The following ABCG1 variants were observed in gnomAD, a reference collection of about 807,000 sequenced individuals.
ABCG1 encodes ATP-binding cassette sub-family G member 1.
A neutral mutation model predicts 69.2 loss-of-function variants in ABCG1; 29 were observed. That is an observed-to-expected ratio of 0.42 (90% confidence interval 0.31 to 0.57). The LOEUF (loss-of-function observed/expected upper bound fraction) is 0.57, where lower values mean the gene tolerates loss of function less well. ABCG1 is among the 20% of genes least tolerant of loss of function. The pLI is 0.15. For missense variants in ABCG1, 718 were observed against 898.1 expected, an observed-to-expected ratio of 0.80 and a Z score of 2.56; for synonymous variants, 370 against 374.8, an observed-to-expected ratio of 0.99 and a Z score of 0.15.
rs562939935 is a variant in ABCG1, at chr21:42,202,507, G to A, written c.48+784G>A. On this transcript the variant is annotated intron_variant, in intron 2 of 15. Transcript: ENST00000398457. ...GAGGGGTGTGATCTCAGGGTGCAACGCTGTTGAATGCACGCCTCCCTCCCC... is the reference window on the plus strand; with the variant it reads ...GAGGGGTGTGATCTCAGGGTGCAACACTGTTGAATGCACGCCTCCCTCCCC... Among the ~76,000 whole-genome samples the A allele has an allele frequency of 3.9e-5, 6 of 152,088 alleles. No individual in the cohort carries two copies. The East Asian group carries it at 9.7e-4, about 25-fold the overall frequency.
intron 1 of ABCG1, 31 bp from the exon 2 acceptor site, chr21:42,225,640 C>G: frequency 6.2e-7 from 1 of 1,608,660 alleles, no homozygotes; most frequent in Non-Finnish European, 8.5e-7. Context: ...CAGCTTATAA[C>G]AGGTCTTGTT....
At chr21:42,283,460 G>T (rs1326073907) in intron 6 of ABCG1, among the ~76,000 whole-genome samples, 2 of 152,170 alleles carry the variant, frequency 1.3e-5, no homozygotes, top group Non-Finnish European at 2.9e-5. Flanking sequence ...GGAGAAGAGA[G>T]GTCCCCCCAG....
chr21:42,273,916 C>T lies in ABCG1; in HGVS notation c.537+481C>T, dbSNP rs762873650. Among the ~76,000 whole-genome samples the T allele has an allele frequency of 2.9e-4, 44 of 152,090 alleles. No homozygotes were observed. Among genetic ancestry groups the T allele is most frequent in the Non-Finnish European group, 5.0e-4 (34 of 68,014 alleles). On this transcript the variant is annotated intron_variant, in intron 4 of 14. Coordinates refer to ENST00000398449, the MANE Select transcript of ABCG1 (RefSeq NM_016818.3). The surrounding 1 kb of genome is among the most constrained non-coding windows in gnomAD (Gnocchi z 5.3). ...GTGGGAAAATGAAACCAGCAGTGGC[C>T]GAGCATCTCCTGGGTCCCAGGCCCT... is the stretch of plus-strand genomic sequence containing the variant.
chr21:42,213,696 T>C (rs1249059302), upstream of ABCG1, among the ~76,000 whole-genome samples: 1 of 152,184 alleles, frequency 6.6e-6, no homozygotes, highest in Non-Finnish European at 1.5e-5. Context: ...CTCCTTAGAG[T>C]GTTCAGAAGG....
chr21:42,276,688 G>T lies in ABCG1; in HGVS notation c.538-207G>T. The T allele has an allele frequency of 1.7e-6, 1 of 579,898 alleles. No individual in the cohort carries two copies. The highest frequency in any genetic ancestry group is 3.0e-6 in the Non-Finnish European group (1 of 328,522). 35.9% of individuals were successfully genotyped at this position (579,898 alleles called of 1,614,324 possible). ...ATGCCTAGCTGCACTGTGGATAGCT[G>T]CACCGTGACTAGTGGCACCGTGGCT... On this transcript the variant is annotated intron_variant, in intron 4 of 14. Coordinates refer to ENST00000398449, the MANE Select transcript of ABCG1 (RefSeq NM_016818.3). This position sits in a 1 kb window ranked among gnomAD's most constrained non-coding sequence, Gnocchi z 5.3.
Position 42,264,205 on chromosome 21 carries a change from G to A in ABCG1, c.287-6865G>A, listed in dbSNP as rs529032394. Among the ~76,000 whole-genome samples the A allele has an allele frequency of 2.6e-5, 4 of 152,302 alleles. No individual in the cohort carries two copies. In the South Asian group the frequency reaches 8.3e-4, roughly 32 times the overall value. ...TCCAGCGTTATCTCCTTATACTCAT[G>A]ATCACCGGAATTCGGGATGTCTGCA... On this transcript the variant is annotated intron_variant, in intron 2 of 14. Coordinates refer to ENST00000398449, the MANE Select transcript of ABCG1 (RefSeq NM_016818.3).
At chr21:42,295,764 G>A (rs757605549) in intron 14 of ABCG1, among the ~76,000 whole-genome samples, 3 of 152,178 alleles carry the variant, frequency 2.0e-5, no homozygotes, top group African/African-American at 4.8e-5. Context: ...CTGGAGCAGA[G>A]GGAGAGAGGG....
At chr21:42,229,567 A>C (rs1269639625) in intron 2 of ABCG1, among the ~76,000 whole-genome samples, 6 of 152,154 alleles carry the variant, frequency 3.9e-5, no homozygotes, top group Admixed American at 3.3e-4. Context: ...GAAATACAAA[A>C]AAAATAGCCA....
chr21:42,271,128 C>G lies in ABCG1; in HGVS notation c.345C>G (p.Ala115=). The G allele has an allele frequency of 1.3e-6, 2 of 1,583,766 alleles. No homozygotes were observed. Among genetic ancestry groups the G allele is most frequent in the South Asian group, 2.3e-5 (2 of 86,406 alleles). Residue 115 remains alanine, a synonymous_variant, in exon 3 of 15, where the codon GCC becomes GCG. Transcript: ENST00000398449. ...AGTTCAATAGTGGTGAGTTGGTGGC[C>G]ATTATGGGTCCTTCCGGGGCCGGGA... ...SGKFNSGELV[A]IMGPSGAGKS... is the part of the protein sequence containing the mutation.
At chr21:42,214,433 G>T (rs756282386), upstream of ABCG1, among the ~76,000 whole-genome samples, 3 of 152,258 alleles carry the variant, frequency 2.0e-5, no homozygotes, top group Admixed American at 6.5e-5. Context: ...ACAGCAGCCA[G>T]AATAGACTAA....
Position 42,225,676 on chromosome 21 carries a change from C to T in ABCG1, c.48C>T (p.Ala16=), listed in dbSNP as rs1328604729. The part of the protein sequence containing the change: ...AAFSVGTAMN[A]SSYSAEMTEP... ...GCTTCCTCTGGTTTTTCTAGAATGCCAGCAGTTACTCTGCAGAGATGACGG... is the reference window on the plus strand; with the variant it reads ...GCTTCCTCTGGTTTTTCTAGAATGCTAGCAGTTACTCTGCAGAGATGACGG... The change falls in exon 2 of 15, where the codon GCC becomes GCT. Residue 16 remains alanine, a synonymous_variant. Coordinates refer to ENST00000398449, the MANE Select transcript of ABCG1 (RefSeq NM_016818.3). 14 of 1,612,092 alleles carry T rather than the reference C, an allele frequency of 8.7e-6. No homozygotes were observed. The highest frequency in any genetic ancestry group is 1.7e-5 in the Admixed American group (1 of 59,766).
chr21:42,280,995 G>C (rs2068798183), intron 5 of ABCG1, among the ~76,000 whole-genome samples: 1 of 152,258 alleles, frequency 6.6e-6, no homozygotes, highest in Non-Finnish European at 1.5e-5. Flanking sequence ...CCAGGGCTGG[G>C]GTGAGGGCAT....
chr21:42,265,548 C>T (rs2068488165), intron 2 of ABCG1, among the ~76,000 whole-genome samples: 2 of 152,168 alleles, frequency 1.3e-5, no homozygotes, highest in Admixed American at 1.3e-4. Context: ...ACACCTGGAG[C>T]ACCAGCGGCT....
At chr21:42,284,745 A>G in intron 7 of ABCG1, 62 bp downstream of exon 7, 1 of 1,568,696 alleles carries the variant, frequency 6.4e-7, no homozygotes, top group Non-Finnish European at 8.6e-7. Flanking sequence ...CCTGAATGAC[A>G]CCAAACCCTG....
At chr21:42,247,597 T>C (rs1266812647) in intron 2 of ABCG1, among the ~76,000 whole-genome samples, 1 of 152,200 alleles carries the variant, frequency 6.6e-6, no homozygotes. Context: ...GGGTTGATGG[T>C]GACCCTCCAA....
chr21:42,211,677 C>G (rs754592825), upstream of ABCG1, among the ~76,000 whole-genome samples: 1 of 151,222 alleles, frequency 6.6e-6, no homozygotes, highest in Non-Finnish European at 1.5e-5. Context: ...GTCAGGAATT[C>G]AAGACCAGCC....
rs1426039157 is a variant in ABCG1, at chr21:42,268,889, T to TCCTC, written c.287-2179_287-2176dup. Reference sequence around the variant, plus strand: ...GGGGTCATTGCAGCCTGTATGTGCTTCCTCCAGCCAGGGTGATCATCGGGT... The same window carrying TCCTC: ...GGGGTCATTGCAGCCTGTATGTGCTTCCTCCCTCCAGCCAGGGTGATCATCGGGT... On this transcript the variant is annotated intron_variant, in intron 2 of 14. Transcript: ENST00000398449. 2.0e-5 allele frequency among the ~76,000 whole-genome samples: 3 copies of TCCTC among 152,170 alleles called. No individual in the cohort carries two copies. In the East Asian group the frequency reaches 5.8e-4, roughly 29 times the overall value.
chr21:42,283,632 T>C lies in ABCG1; in HGVS notation c.735-928T>C, dbSNP rs568966548. ...CTAGACCACCTGAGGCACAGCTGCC[T>C]GCCTGGACAGTTGTGAAGTCCCCCC... is the stretch of plus-strand genomic sequence containing the variant. On this transcript the variant is annotated intron_variant, in intron 6 of 14. Transcript: ENST00000398449. Among the ~76,000 whole-genome samples, 8 of 150,776 alleles carry C rather than the reference T, an allele frequency of 5.3e-5. No individual in the cohort carries two copies. The South Asian group carries it at 1.2e-3, about 24-fold the overall frequency.
intron 1 of ABCG1, among the ~76,000 whole-genome samples, chr21:42,201,275 C>G (rs1300124381): frequency 6.8e-6 from 1 of 146,700 alleles, no homozygotes; most frequent in Non-Finnish European, 1.5e-5. Context: ...GATCATCAGG[C>G]ATTAGTTAGA....
Sources: allele counts gnomAD v4.1 joint callset (sites outside exome capture counted in the v4.1 genomes callset), GRCh38; gene constraint gnomAD v4.1.1; non-coding constraint Gnocchi (gnomAD v3.1); transcripts MANE v1.5; gene names NCBI Gene and HGNC (gene_info 2026-07-23, HGNC 2026-07-21).